The following EZH1 variants were observed in gnomAD, a reference collection of about 807,000 sequenced individuals.
The protein encoded by EZH1 is enhancer of zeste 1 polycomb repressive complex 2 subunit.
In EZH1, 33 loss-of-function variants were observed where a neutral mutation model predicts 100.5. The observed-to-expected ratio is 0.33, with a 90% CI of 0.25 to 0.44. The LOEUF (loss-of-function observed/expected upper bound fraction) is 0.44. Ranked by LOEUF, EZH1 falls within the 20% of genes least tolerant of loss-of-function variation. The pLI is 1.00. For synonymous variants in EZH1, 272 were observed against 313.8 expected (o/e 0.87, Z 1.41); for missense variants, 475 against 928.4 (o/e 0.51, Z 6.35).
intron 6 of EZH1, among the ~76,000 whole-genome samples, chr17:42,722,148 C>A (rs1459783032): frequency 4.1e-4 from 16 of 38,978 alleles, no homozygotes; most frequent in Admixed American, 1.5e-3. Flanking sequence ...GACTCTGTCT[C>A]AAAAAAAAAA....
chr17:42,730,109 G>T (rs1437143700), intron 2 of EZH1, among the ~76,000 whole-genome samples: 2 of 152,080 alleles, frequency 1.3e-5, no homozygotes, highest in Admixed American at 6.6e-5. Flanking sequence ...AGCAATTTGT[G>T]GTCCAATTAT....
chr17:42,716,706 A>AT (rs897021424), intron 10 of EZH1, among the ~76,000 whole-genome samples: 8 of 149,476 alleles, frequency 5.4e-5, no homozygotes, highest in Admixed American at 2.7e-4. Context: ...TTTTATTATT[A>AT]TTTTTTTTTT....
Position 42,728,911 on chromosome 17 carries a change from A to G in EZH1, c.31T>C (p.Cys11Arg). The change falls in exon 3 of 21, where the codon TGT (cysteine) becomes CGT (arginine). Residue 11 changes from cysteine to arginine, a missense_variant. Cys to Arg is a radical substitution (Grantham distance 180). Transcript: ENST00000428826. Reference protein sequence around the residue: MEIPNPPTSKCITYWKRKVKS... With the variant: MEIPNPPTSKRITYWKRKVKS... ...ACTTTTCTTTTCCAGTAAGTGATAC[A>G]TTTGGAGGTAGGGGGATTTGGTATT... The G allele has an allele frequency of 6.2e-7, 1 of 1,613,494 alleles. No individual in the cohort carries two copies. Among genetic ancestry groups the G allele is most frequent in the Non-Finnish European group, 8.5e-7 (1 of 1,179,734 alleles).
chr17:42,718,372 C>T lies in EZH1; in HGVS notation c.931+82G>A, dbSNP rs990949990. On this transcript the variant is annotated intron_variant, in intron 9 of 20. Coordinates refer to ENST00000428826, the MANE Select transcript of EZH1 (RefSeq NM_001991.5). The surrounding 1 kb of genome is among the most constrained non-coding windows in gnomAD (Gnocchi z 4.2). The stretch of plus-strand genomic sequence containing the variant: ...TAGAACAGAAGCCAGGAACTCTATA[C>T]GAGAAACCAGAACAAAGAGAAGGAA... 2.3e-5 allele frequency: 36 copies of T among 1,557,412 alleles called. No homozygotes were observed. The highest frequency in any genetic ancestry group is 1.2e-4 in the African/African-American group (9 of 73,318).
At chr17:42,738,175 C>CAA (rs1175336340) in intron 1 of EZH1, among the ~76,000 whole-genome samples, 34 of 56,930 alleles carry the variant, frequency 6.0e-4, no homozygotes, top group Non-Finnish European at 6.5e-4. Context: ...GACTCTGTCT[C>CAA]AAAAAAAAAA....
chr17:42,714,639 C>T (rs2053555543), intron 10 of EZH1: 6 of 280,948 alleles, frequency 2.1e-5, no homozygotes, highest in South Asian at 1.5e-4. Context: ...AGTCAGAAAG[C>T]TCAATTTAAA....
chr17:42,705,304 G>A (rs1432508274), intron 16 of EZH1, 121 bp from the exon 17 acceptor site: 3 of 586,722 alleles, frequency 5.1e-6, no homozygotes, highest in Non-Finnish European at 9.2e-6. Flanking sequence ...AAGAGGATCT[G>A]AAAGCAGAAA....
In EZH1 at chr17:42,701,605, T is replaced by A. The variant is rs560437214; in HGVS notation, c.*927A>T. The A allele has an allele frequency of 6.5e-6, 1 of 153,014 alleles. No homozygotes were observed. Among genetic ancestry groups the A allele is most frequent in the East Asian group, 1.9e-4 (1 of 5,324 alleles). 9.5% of individuals were successfully genotyped at this position (153,014 alleles called of 1,614,324 possible). On this transcript the variant is annotated 3_prime_UTR_variant, in exon 21 of 21. Transcript: ENST00000428826. ...AACACTGGCCATTGGGCCTTGCCTC[T>A]ATGGGGAATGGAAGGCCTGAAAACA... is the stretch of plus-strand genomic sequence containing the variant.
intron 1 of EZH1, among the ~76,000 whole-genome samples, chr17:42,739,111 T>A (rs1368850139): frequency 1.3e-5 from 2 of 152,168 alleles, no homozygotes; most frequent in Non-Finnish European, 2.9e-5. Flanking sequence ...CATAGTGTAA[T>A]TGAAACCTGA....
intron 4 of EZH1, among the ~76,000 whole-genome samples, chr17:42,725,929 A>G (rs1221807514): frequency 6.6e-6 from 1 of 152,142 alleles, no homozygotes; most frequent in African/African-American, 2.4e-5. Flanking sequence ...CCCAGGCTGG[A>G]GTGCAGTTGC....
At chr17:42,715,294 G>C (rs1693345692) in intron 10 of EZH1, among the ~76,000 whole-genome samples, 1 of 143,786 alleles carries the variant, frequency 7.0e-6, no homozygotes, top group Non-Finnish European at 1.5e-5. Context: ...ATTTTTTTGA[G>C]ACGAGGTCTT....
chr17:42,722,714 A>T, intron 6 of EZH1, 81 bp downstream of exon 6: 2 of 1,460,048 alleles, frequency 1.4e-6, no homozygotes, highest in Non-Finnish European at 1.9e-6. Flanking sequence ...AGAAGATAAA[A>T]GCAAGATGGC....
intron 10 of EZH1, among the ~76,000 whole-genome samples, chr17:42,715,436 G>A (rs987439731): frequency 4.0e-5 from 6 of 151,432 alleles, no homozygotes; most frequent in African/African-American, 1.5e-4. Context: ...TTATAGACAT[G>A]GGGTTTTGCC....
chr17:42,704,801 G>A, intron 17 of EZH1, 118 bp from the exon 18 acceptor site: 1 of 783,336 alleles, frequency 1.3e-6, no homozygotes, highest in Non-Finnish European at 2.1e-6. Context: ...GCATCATGAT[G>A]AGAATCACAA....
At chr17:42,729,431 C>A (rs1479996229) in intron 2 of EZH1, among the ~76,000 whole-genome samples, 1 of 151,732 alleles carries the variant, frequency 6.6e-6, no homozygotes, top group African/African-American at 2.4e-5. Context: ...AACAAAAAAA[C>A]AAAAAACAAC....
At position 42,730,862 on chromosome 17, in the gene EZH1, A is replaced by C. The variant is rs1008080577; in HGVS notation, c.-46T>G. The C allele has an allele frequency of 3.0e-6, 3 of 985,424 alleles. No homozygotes were observed. The African/African-American group carries it at 5.2e-5, about 17-fold the overall frequency. 61.0% of individuals were successfully genotyped at this position (985,424 alleles called of 1,614,324 possible). A position where few individuals can be genotyped will look rare whatever the true frequency, so the allele number is the denominator to read the frequency against. On this transcript the variant is annotated 5_prime_UTR_variant, in exon 2 of 21. Transcript: ENST00000428826. ...TGCAAGGGGAAGTGTTGGGTTTTAC[A>C]GTGTGCCTCTGTTCTTCAGGAGAAT...
chr17:42,728,577 T>TA (rs2053871582), intron 3 of EZH1, among the ~76,000 whole-genome samples: 1 of 150,466 alleles, frequency 6.6e-6, no homozygotes, highest in East Asian at 2.0e-4. Context: ...CCATCTCTAC[T>TA]AAAAATACAA....
intron 1 of EZH1, among the ~76,000 whole-genome samples, chr17:42,733,905 C>T (rs1277788931): frequency 8.1e-6 from 1 of 124,120 alleles, no homozygotes; most frequent in East Asian, 2.7e-4. Flanking sequence ...AGCATCACTG[C>T]ATTGCTGCCT....
intron 20 of EZH1, 67 bp from the exon 21 acceptor site, chr17:42,702,659 C>G (rs1291927207): frequency 1.3e-6 from 2 of 1,488,212 alleles, no homozygotes; most frequent in African/African-American, 2.8e-5. Context: ...AGGCGGAGTC[C>G]CCTCCCGTTT....
Sources: gnomAD v4.1 joint callset for allele counts (sites outside exome capture counted in the v4.1 genomes callset) on GRCh38, gnomAD v4.1.1 for gene constraint, Gnocchi (gnomAD v3.1) non-coding constraint, MANE v1.5 for transcripts, NCBI Gene and HGNC (gene_info 2026-07-23, HGNC 2026-07-21) for gene names.